The following MECOM variants were observed in gnomAD, a reference collection of about 807,000 sequenced individuals.
The protein encoded by MECOM is MDS1 and EVI1 complex locus.
Under a neutral mutation model 116.3 loss-of-function variants are expected in MECOM, and 13 were observed. The ratio of observed to expected loss-of-function variants is 0.11; its 90% CI spans 0.07 to 0.18. The LOEUF (loss-of-function observed/expected upper bound fraction) is 0.18. MECOM is among the 10% of genes least tolerant of loss of function. The probability of loss-of-function intolerance (pLI) is 1.00; values close to 1 mark genes in which losing one functional copy is unlikely to be tolerated. For missense variants in MECOM, 1,299 were observed against 1,509.0 expected, an observed-to-expected ratio of 0.86 and a Z score of 2.31; for synonymous variants, 528 against 535.2, an observed-to-expected ratio of 0.99 and a Z score of 0.19.
chr3:169,497,868 A>G (rs772781084), intron 1 of MECOM, among the ~76,000 whole-genome samples: 50 of 152,256 alleles, frequency 3.3e-4, no homozygotes, highest in Non-Finnish European at 1.3e-4. Flanking sequence ...CGAATAAAGT[A>G]CAAAAGAAGA....
intron 2 of MECOM, among the ~76,000 whole-genome samples, chr3:169,357,911 C>T (rs1048367686): frequency 2.0e-5 from 3 of 151,600 alleles, no homozygotes; most frequent in African/African-American, 4.8e-5. Flanking sequence ...TTTGCAAACA[C>T]GGTAGACACA....
intron 2 of MECOM, among the ~76,000 whole-genome samples, chr3:169,182,650 T>A (rs1746121703): frequency 6.6e-6 from 1 of 152,222 alleles, no homozygotes; most frequent in African/African-American, 2.4e-5. Context: ...TGGTGTCAAT[T>A]TGCTTTGATT....
intron 2 of MECOM, among the ~76,000 whole-genome samples, chr3:169,166,963 G>A (rs1743691224): frequency 6.6e-6 from 1 of 152,028 alleles, no homozygotes; most frequent in Non-Finnish European, 1.5e-5. Flanking sequence ...TCATTTGGCT[G>A]AGAGAGATGA....
rs1751796465 is a variant in MECOM, at chr3:169,484,135, C to T, written c.38-102611G>A. 3.0e-5 allele frequency: 22 copies of T among 729,362 alleles called. No homozygotes were observed. The East Asian group carries it at 5.9e-4, about 20-fold the overall frequency. The allele number at this position is 729,362 out of a possible 1,614,324, so 45.2% of individuals were successfully genotyped here. A position where few individuals can be genotyped will look rare whatever the true frequency, so the allele number is the denominator to read the frequency against. Reference sequence around the variant, plus strand: ...TTTCTCTAGTAAACAAAAAGTGATTCTTTTTATCTCACAATTCAACATTTT... The same window carrying T: ...TTTCTCTAGTAAACAAAAAGTGATTTTTTTTATCTCACAATTCAACATTTT... On this transcript the variant is annotated intron_variant, in intron 1 of 16. Transcript: ENST00000651503.
intron 1 of MECOM, among the ~76,000 whole-genome samples, chr3:169,545,050 T>C (rs1302705531): frequency 6.6e-6 from 1 of 152,140 alleles, no homozygotes; most frequent in Non-Finnish European, 1.5e-5. Flanking sequence ...AAAAAAAATT[T>C]TTTTAATTAA....
rs931159722 is a variant in MECOM at position 169,295,189 on chromosome 3, T to C, written c.375+85998A>G. On this transcript the variant is annotated intron_variant, in intron 2 of 16. Coordinates refer to ENST00000651503, the MANE Select transcript of MECOM (RefSeq NM_004991.4). The stretch of plus-strand genomic sequence containing the variant: ...CCTGTCCCACTTTCACCATAGGATC[T>C]AGGTTGACTTTTATCTATTTTATAT... Among the ~76,000 whole-genome samples, 7 of 152,190 alleles carry C rather than the reference T, an allele frequency of 4.6e-5. No individual in the cohort carries two copies. The South Asian group carries it at 1.2e-3, about 27-fold the overall frequency.
At chr3:169,354,687 A>G (rs149590429) in intron 2 of MECOM, among the ~76,000 whole-genome samples, 7 of 152,068 alleles carry the variant, frequency 4.6e-5, no homozygotes, top group South Asian at 2.1e-4. Flanking sequence ...GGTAAAATGC[A>G]AGGAATGTTG....
chr3:169,521,222 C>T (rs989205990), intron 1 of MECOM, among the ~76,000 whole-genome samples: 2 of 152,182 alleles, frequency 1.3e-5, no homozygotes, highest in African/African-American at 4.8e-5. Context: ...AACAGCAGGA[C>T]TATCTCTTCG....
intron 2 of MECOM, among the ~76,000 whole-genome samples, chr3:169,182,642 G>T (rs754648032): frequency 6.6e-6 from 1 of 152,164 alleles, no homozygotes; most frequent in Non-Finnish European, 1.5e-5. Context: ...AAGTCATTTG[G>T]TGTCAATTTG....
intron 1 of MECOM, chr3:169,623,992 T>A (rs973222851): frequency 2.0e-5 from 3 of 152,208 alleles, no homozygotes; most frequent in Non-Finnish European, 4.4e-5. Context: ...ACACGACTAC[T>A]TAATTACCAT....
chr3:169,471,244 G>A (rs1210634651), intron 1 of MECOM, among the ~76,000 whole-genome samples: 8 of 151,904 alleles, frequency 5.3e-5, no homozygotes, highest in Admixed American at 3.9e-4. Flanking sequence ...CACTGGCCTC[G>A]GCTTCCCAAA....
chr3:169,417,769 T>C (rs575189117), intron 1 of MECOM, among the ~76,000 whole-genome samples: 10 of 152,134 alleles, frequency 6.6e-5, no homozygotes, highest in Non-Finnish European at 1.3e-4. Context: ...CATGGAATAC[T>C]ATGCAGCCAT....
chr3:169,477,113 A>G (rs1176868357), intron 1 of MECOM: 4 of 44,394 alleles, frequency 9.0e-5, no homozygotes, highest in African/African-American at 2.0e-4. Flanking sequence ...GTGTATATAT[A>G]TATATATATA....
At chr3:169,579,338 A>T (rs1409401526) in intron 1 of MECOM, among the ~76,000 whole-genome samples, 1 of 152,210 alleles carries the variant, frequency 6.6e-6, no homozygotes, top group Non-Finnish European at 1.5e-5. Flanking sequence ...AGATTTATCC[A>T]TTCAACAGAC....
chr3:169,645,905 G>T (rs1048111025), intron 1 of MECOM, among the ~76,000 whole-genome samples: 1 of 152,258 alleles, frequency 6.6e-6, no homozygotes. Context: ...CAAAGACTCT[G>T]ATTTAATTGG....
Position 169,593,011 on chromosome 3 carries a change from ATTTG to A in MECOM, c.37+70321_37+70324del, listed in dbSNP as rs537215610. Among the ~76,000 whole-genome samples, 238 of 152,290 alleles carry A rather than the reference ATTTG, an allele frequency of 1.6e-3. 1 individual carries two copies. Among genetic ancestry groups the A allele is most frequent in the African/African-American group, 5.4e-3 (226 of 41,550 alleles). On this transcript the variant is annotated intron_variant, in intron 1 of 16. Coordinates refer to ENST00000651503, the MANE Select transcript of MECOM (RefSeq NM_004991.4). ...ATACATATGCCTTCATTTATTATTC[ATTTG>A]TTTGTTTACTGATTGTTTACTAAAT...
At chr3:169,221,548 T>C (rs1354546530) in intron 2 of MECOM, among the ~76,000 whole-genome samples, 1 of 149,980 alleles carries the variant, frequency 6.7e-6, no homozygotes, top group Non-Finnish European at 1.5e-5. Flanking sequence ...GCACAGCTTT[T>C]GGAGACGTAA....
chr3:169,584,390 C>T (rs1249680186), intron 1 of MECOM, among the ~76,000 whole-genome samples: 3 of 151,048 alleles, frequency 2.0e-5, no homozygotes. Flanking sequence ...ACGGTGAAAC[C>T]CCGTCTCTAC....
chr3:169,239,163 G>T (rs759797058), intron 2 of MECOM, among the ~76,000 whole-genome samples: 2 of 152,060 alleles, frequency 1.3e-5, no homozygotes, highest in Non-Finnish European at 2.9e-5. Context: ...TGAGTAAATT[G>T]TTCAGTTTGG....
Sources: gnomAD v4.1 joint callset for allele counts (sites outside exome capture counted in the v4.1 genomes callset) on GRCh38, gnomAD v4.1.1 for gene constraint, MANE v1.5 for transcripts, NCBI Gene and HGNC (gene_info 2026-07-23, HGNC 2026-07-21) for gene names.